GABRA3: variants seen among roughly 807,000 people sequenced by gnomAD.
GABRA3 encodes the protein gamma-aminobutyric acid type A receptor subunit alpha3.
Under a neutral mutation model 30.1 loss-of-function variants are expected in GABRA3, and 10 were observed. The observed-to-expected ratio is 0.33, with a 90% CI of 0.20 to 0.56. The LOEUF (loss-of-function observed/expected upper bound fraction) is 0.56. Among genes scored for constraint, GABRA3 ranks in the 20% least tolerant of loss-of-function variants. The pLI is 0.89. For missense variants in GABRA3, 233 were observed against 392.0 expected, an observed-to-expected ratio of 0.59 and a Z score of 3.42; for synonymous variants, 151 against 146.8, an observed-to-expected ratio of 1.03 and a Z score of -0.21.
At chrX:152,315,727 G>A (rs1192567054) in intron 3 of GABRA3, among the ~76,000 whole-genome samples, 3 of 110,371 alleles carry the variant, frequency 2.7e-5, no homozygotes, top group African/African-American at 9.9e-5. Context: ...ACTGCTGGCT[G>A]TCCCCCACTT....
intron 8 of GABRA3, among the ~76,000 whole-genome samples, chrX:152,193,502 A>G (rs752157284): frequency 8.9e-6 from 1 of 112,276 alleles, no homozygotes; most frequent in Admixed American, 9.5e-5. Flanking sequence ...TGATTTACAT[A>G]TAAGTCTGGG....
Position 152,397,458 on chromosome X carries a change from T to A in GABRA3, c.-26-32862A>T, listed in dbSNP as rs183963057. On this transcript the variant is annotated intron_variant, in intron 1 of 9. Coordinates refer to ENST00000370314, the MANE Select transcript of GABRA3 (RefSeq NM_000808.4). Reference sequence around the variant, plus strand: ...TTCTAACAGAAGCAGAAGCCACAGGTGACAGGTTATGCTTCAGGTAGGAAA... The same window carrying A: ...TTCTAACAGAAGCAGAAGCCACAGGAGACAGGTTATGCTTCAGGTAGGAAA... Among the ~76,000 whole-genome samples, 81 of 111,587 alleles carry A rather than the reference T, an allele frequency of 7.3e-4. 1 individual carries two copies. Among genetic ancestry groups the A allele is most frequent in the African/African-American group, 2.6e-3 (79 of 30,751 alleles).
intron 4 of GABRA3, among the ~76,000 whole-genome samples, chrX:152,275,202 A>T (rs1247146836): frequency 6.1e-5 from 3 of 49,069 alleles, no homozygotes; most frequent in Non-Finnish European, 9.1e-5. Context: ...TATATAATTT[A>T]TATATATAAT....
chrX:152,384,345 A>G (rs1046342483), intron 1 of GABRA3, among the ~76,000 whole-genome samples: 1 of 111,864 alleles, frequency 8.9e-6, no homozygotes, highest in Non-Finnish European at 1.9e-5. Context: ...AATACCAATG[A>G]CATTTTTCAG....
chrX:152,231,300 TACGTGTGTGTACACGTGTGTGTGTAC>T (rs1317776386), intron 5 of GABRA3, among the ~76,000 whole-genome samples: 1 of 109,255 alleles, frequency 9.2e-6, no homozygotes, highest in Non-Finnish European at 1.9e-5. Flanking sequence ...CGTGTATATA[TACGTGTGTGTACACGTGTGTGTGTAC>T]ACGTGTGTGT....
chrX:152,421,190 T>C (rs1930365984), intron 1 of GABRA3, among the ~76,000 whole-genome samples: 1 of 110,161 alleles, frequency 9.1e-6, no homozygotes, highest in African/African-American at 3.3e-5. Context: ...CAGTAAGTCC[T>C]CACCTTAATG....
chrX:152,340,039 A>T (rs1323328829), intron 3 of GABRA3, among the ~76,000 whole-genome samples: 2 of 112,135 alleles, frequency 1.8e-5, no homozygotes, highest in Non-Finnish European at 3.8e-5. Context: ...CTGTGTAGTT[A>T]AGTTTAAATC....
intron 3 of GABRA3, among the ~76,000 whole-genome samples, chrX:152,291,082 T>C (rs940708667): frequency 8.9e-6 from 1 of 111,884 alleles, no homozygotes; most frequent in African/African-American, 3.2e-5. Flanking sequence ...GGGGATGGCA[T>C]TGAATCTATA....
intron 9 of GABRA3, among the ~76,000 whole-genome samples, chrX:152,178,500 T>C (rs904985449): frequency 1.8e-5 from 2 of 111,556 alleles, no homozygotes; most frequent in Non-Finnish European, 3.8e-5. Flanking sequence ...TTCCAAGATT[T>C]GAAGAGAATG....
intron 9 of GABRA3, among the ~76,000 whole-genome samples, chrX:152,170,208 G>C (rs1371366178): frequency 1.8e-5 from 2 of 112,673 alleles, no homozygotes; most frequent in African/African-American, 6.5e-5. Flanking sequence ...GAGGGACAAA[G>C]TACCTGCAGG....
chrX:152,275,242 AT>A (rs1356093813), intron 4 of GABRA3, among the ~76,000 whole-genome samples: 14 of 58,592 alleles, frequency 2.4e-4, no homozygotes, highest in Non-Finnish European at 3.4e-4. Context: ...TATATATTTT[AT>A]TATATATAAT....
At chrX:152,438,683 A>C (rs1284144605) in intron 1 of GABRA3, among the ~76,000 whole-genome samples, 1 of 112,183 alleles carries the variant, frequency 8.9e-6, no homozygotes, top group Non-Finnish European at 1.9e-5. Flanking sequence ...ACATGGAAAA[A>C]TCTTAAATAC....
chrX:152,347,069 C>T (rs1603245756), intron 2 of GABRA3, among the ~76,000 whole-genome samples: 1 of 111,900 alleles, frequency 8.9e-6, no homozygotes, highest in African/African-American at 3.2e-5. Context: ...TGTTCACAAT[C>T]GGTAAGATTT....
intron 1 of GABRA3, among the ~76,000 whole-genome samples, chrX:152,430,227 T>C (rs1930619342): frequency 8.9e-6 from 1 of 111,748 alleles, no homozygotes; most frequent in Non-Finnish European, 1.9e-5. Context: ...AATATGTCCA[T>C]GCAGCTGAAA....
chrX:152,221,942 C>T (rs958113853), intron 6 of GABRA3, among the ~76,000 whole-genome samples: 5 of 111,690 alleles, frequency 4.5e-5, no homozygotes, highest in African/African-American at 6.5e-5. Context: ...CATCATTTAG[C>T]GCCTGCTTAT....
chrX:152,216,959 G>A (rs1391204571), intron 6 of GABRA3, among the ~76,000 whole-genome samples: 1 of 110,536 alleles, frequency 9.0e-6, no homozygotes, highest in Non-Finnish European at 1.9e-5. Context: ...CAATTAAAAC[G>A]AAAATAATTT....
intron 3 of GABRA3, among the ~76,000 whole-genome samples, chrX:152,322,906 G>A (rs767110466): frequency 6.4e-4 from 58 of 90,281 alleles, no homozygotes; most frequent in African/African-American, 2.5e-3. Context: ...AGGCTGGAGT[G>A]CAGTGGCGCA....
chrX:152,426,324 T>C (rs982096695), intron 1 of GABRA3, among the ~76,000 whole-genome samples: 1 of 111,826 alleles, frequency 8.9e-6, no homozygotes, highest in Non-Finnish European at 1.9e-5. Flanking sequence ...ACTAGAATCA[T>C]GTTTAGTATG....
At chrX:152,367,672 C>G (rs1390424287) in intron 1 of GABRA3, among the ~76,000 whole-genome samples, 3 of 110,892 alleles carry the variant, frequency 2.7e-5, no homozygotes, top group South Asian at 7.7e-4. Context: ...TTTAAGATAC[C>G]TCTCACAAAA....
Sources: allele counts gnomAD v4.1 joint callset (sites outside exome capture counted in the v4.1 genomes callset), GRCh38; gene constraint gnomAD v4.1.1; transcripts MANE v1.5; gene names NCBI Gene and HGNC (gene_info 2026-07-23, HGNC 2026-07-21).